GPM6B: variants seen among roughly 807,000 people sequenced by gnomAD.
The protein encoded by GPM6B is neuronal membrane glycoprotein M6-b.
Under a neutral mutation model 27.2 loss-of-function variants are expected in GPM6B, and 4 were observed. That is an observed-to-expected ratio of 0.15 (90% CI 0.07 to 0.34). The LOEUF (loss-of-function observed/expected upper bound fraction) is 0.34, where lower values mean the gene tolerates loss of function less well. Ranked by LOEUF, GPM6B falls within the 10% of genes least tolerant of loss-of-function variation. The pLI is 1.00. For missense variants in GPM6B, 183 were observed against 261.9 expected, an observed-to-expected ratio of 0.70 and a Z score of 2.08; for synonymous variants, 124 against 103.1, an observed-to-expected ratio of 1.20 and a Z score of -1.23.
intron 1 of GPM6B, among the ~76,000 whole-genome samples, chrX:13,849,930 G>A (rs773039430): frequency 3.6e-5 from 4 of 110,980 alleles, no homozygotes; most frequent in East Asian, 5.7e-4. Flanking sequence ...ATGGTGGCAC[G>A]CACCTGTAGT....
At chrX:13,804,655 G>A (rs981882458) in intron 2 of GPM6B, among the ~76,000 whole-genome samples, 1 of 110,794 alleles carries the variant, frequency 9.0e-6, no homozygotes, top group Admixed American at 9.6e-5. Flanking sequence ...GGGGAATAAG[G>A]AAGTTCCTGG....
intron 1 of GPM6B, among the ~76,000 whole-genome samples, chrX:13,893,523 C>A (rs1475183593): frequency 8.9e-6 from 1 of 111,978 alleles, no homozygotes; most frequent in Non-Finnish European, 1.9e-5. Flanking sequence ...AATTTCATTT[C>A]TTTTCCCTGC....
At chrX:13,852,583 A>G (rs765591998) in intron 1 of GPM6B, among the ~76,000 whole-genome samples, 1 of 110,786 alleles carries the variant, frequency 9.0e-6, no homozygotes, top group African/African-American at 3.3e-5. Context: ...ACTGTTCTGT[A>G]CCCTGCTTTT....
chrX:13,930,371 T>C (rs1173075607), intron 1 of GPM6B, among the ~76,000 whole-genome samples: 2 of 111,101 alleles, frequency 1.8e-5, no homozygotes, highest in Non-Finnish European at 1.9e-5. Flanking sequence ...TCCCAGCACT[T>C]TGGGAGGCCG....
intron 1 of GPM6B, among the ~76,000 whole-genome samples, chrX:13,849,547 A>T (rs780430856): frequency 5.3e-5 from 6 of 112,597 alleles, no homozygotes; most frequent in Non-Finnish European, 1.1e-4. Flanking sequence ...ACCATTGATT[A>T]CTCTGGATTA....
chrX:13,931,764 T>C (rs190779495), intron 1 of GPM6B, among the ~76,000 whole-genome samples: 1 of 112,132 alleles, frequency 8.9e-6, no homozygotes, highest in East Asian at 2.8e-4. Flanking sequence ...TGGCTTTCAG[T>C]TCCCTGACCA....
intron 1 of GPM6B, among the ~76,000 whole-genome samples, chrX:13,901,559 C>T (rs1349741901): frequency 1.8e-5 from 2 of 111,555 alleles, no homozygotes; most frequent in African/African-American, 6.5e-5. Context: ...CCCCCTAAAC[C>T]TGCCAGGGAT....
At chrX:13,773,910 A>ATGAT (rs2048352158) in intron 7 of GPM6B, 1 of 671,637 alleles carries the variant, frequency 1.5e-6, no homozygotes, top group Non-Finnish European at 1.8e-6. Flanking sequence ...CTCTAACAGA[A>ATGAT]TGATTGTGTT....
chrX:13,915,833 GTA>G (rs1311944750), intron 1 of GPM6B, among the ~76,000 whole-genome samples: 1 of 111,973 alleles, frequency 8.9e-6, no homozygotes. Context: ...TATGTATTAC[GTA>G]TATGTGTGTG....
At chrX:13,888,295 C>G (rs138556046) in intron 1 of GPM6B, among the ~76,000 whole-genome samples, 5 of 112,224 alleles carry the variant, frequency 4.5e-5, no homozygotes, top group Non-Finnish European at 9.4e-5. Context: ...AATGTACATG[C>G]AAAACTCTGG....
At chrX:13,900,051 A>G (rs1216763356) in intron 1 of GPM6B, among the ~76,000 whole-genome samples, 1 of 112,047 alleles carries the variant, frequency 8.9e-6, no homozygotes, top group East Asian at 2.8e-4. Context: ...TATCCTGAAA[A>G]TAACTCATTT....
intron 1 of GPM6B, among the ~76,000 whole-genome samples, chrX:13,876,520 G>C (rs554491364): frequency 8.9e-6 from 1 of 112,109 alleles, no homozygotes; most frequent in Non-Finnish European, 1.9e-5. Context: ...TGCTGCAGTA[G>C]ATAATGTCAC....
intron 1 of GPM6B, among the ~76,000 whole-genome samples, chrX:13,935,111 C>A (rs768835717): frequency 1.1e-4 from 12 of 111,566 alleles, no homozygotes; most frequent in African/African-American, 3.6e-4. Context: ...AATACATAAT[C>A]CTTATAAAAA....
At chrX:13,912,106 G>A (rs2147058125) in intron 1 of GPM6B, among the ~76,000 whole-genome samples, 1 of 111,921 alleles carries the variant, frequency 8.9e-6, no homozygotes, top group Non-Finnish European at 1.9e-5. Context: ...TCTTTTCATA[G>A]AACAGAAAAC....
intron 5 of GPM6B, 91 bp downstream of exon 5, chrX:13,779,727 T>C: frequency 9.9e-6 from 7 of 705,727 alleles, no homozygotes; most frequent in Non-Finnish European, 1.4e-5. Flanking sequence ...ATCATGACAA[T>C]TAAAAGGATG....
chrX:13,850,473 G>A (rs759431750), intron 1 of GPM6B, among the ~76,000 whole-genome samples: 9 of 112,547 alleles, frequency 8.0e-5, no homozygotes, highest in African/African-American at 9.7e-5. Context: ...AGCCTCAGGC[G>A]TTCCTTTATA....
At chrX:13,790,010 T>C (rs1439278306) in intron 2 of GPM6B, among the ~76,000 whole-genome samples, 1 of 111,460 alleles carries the variant, frequency 9.0e-6, no homozygotes, top group Non-Finnish European at 1.9e-5. Context: ...TGCACCCAGC[T>C]CATTTTTTAT....
chrX:13,884,947 G>A (rs773645214), intron 1 of GPM6B, among the ~76,000 whole-genome samples: 145 of 112,013 alleles, frequency 1.3e-3, no homozygotes, highest in African/African-American at 4.1e-3. Flanking sequence ...CACACGGCCT[G>A]CCCAAAATTT....
chrX:13,814,223 C>T (rs1318340900), intron 1 of GPM6B, among the ~76,000 whole-genome samples: 8 of 112,270 alleles, frequency 7.1e-5, no homozygotes, highest in Non-Finnish European at 1.3e-4. Context: ...TTAATAGACA[C>T]TGCAATAATT....
Sources: gnomAD v4.1 joint callset for allele counts (sites outside exome capture counted in the v4.1 genomes callset) on GRCh38, gnomAD v4.1.1 for gene constraint, MANE v1.5 for transcripts, NCBI Gene and HGNC (gene_info 2026-07-23, HGNC 2026-07-21) for gene names.